The following TRPV6 variants were observed in gnomAD, a reference collection of about 807,000 sequenced individuals.
The protein encoded by TRPV6 is transient receptor potential cation channel subfamily V member 6, also known as Alu-binding protein with zinc finger domain.
A neutral mutation model predicts 79.0 loss-of-function variants in TRPV6; 39 were observed. The observed-to-expected ratio is 0.49, with a 90% confidence interval of 0.38 to 0.64. The LOEUF (loss-of-function observed/expected upper bound fraction) is 0.64, where lower values mean the gene tolerates loss of function less well. Ranked by LOEUF, TRPV6 falls within the 30% of genes least tolerant of loss-of-function variation. The pLI, the probability that TRPV6 is intolerant of heterozygous loss-of-function variation, is 0.00. For missense variants in TRPV6, 813 were observed against 1,011.1 expected (o/e 0.80, Z 2.66); for synonymous variants, 373 against 391.9 (o/e 0.95, Z 0.57).
chr7:142,885,616 G>T lies in TRPV6; in HGVS notation c.21C>A (p.Asp7Glu). 1.4e-6 allele frequency: 2 copies of T among 1,466,776 alleles called. No homozygotes were observed. Among genetic ancestry groups the T allele is most frequent in the Non-Finnish European group, 1.8e-6 (2 of 1,099,514 alleles). 90.9% of individuals were successfully genotyped at this position (1,466,776 alleles called of 1,614,324 possible). Residue 7 changes from aspartate to glutamate, a missense_variant, in exon 1 of 15, where the codon GAC (aspartate) becomes GAA (glutamate). Asp to Glu is a conservative substitution (Grantham distance 45, BLOSUM62 2). Transcript: ENST00000359396. Reference sequence around the variant, plus strand: ...CAGCCCCCCCAAGGGCCGGCCCACCGTCTCCCTGTAGAGGTCCCGTCTCCT... The same window carrying T: ...CAGCCCCCCCAAGGGCCGGCCCACCTTCTCCCTGTAGAGGTCCCGTCTCCT...
Position 142,871,446 on chromosome 7 carries a change from G to A in TRPV6, c.*261C>T, listed in dbSNP as rs2116501519. On this transcript the variant is annotated 3_prime_UTR_variant, in exon 15 of 15. Coordinates refer to ENST00000359396, the MANE Select transcript of TRPV6 (RefSeq NM_018646.6). ...GCTCTGACATGCAGTGCTCCTGTCG[G>A]AAGGGTGATGAGCAGGCCACAGGAG... 2.0e-6 allele frequency: 1 copy of A among 512,218 alleles called. No individual in the cohort carries two copies. Among genetic ancestry groups the A allele is most frequent in the East Asian group, 3.4e-5 (1 of 29,808 alleles). The allele number at this position is 512,218 out of a possible 1,614,324, so 31.7% of individuals were successfully genotyped here.
chr7:142,872,896 TG>T (rs35563179), intron 13 of TRPV6, among the ~76,000 whole-genome samples: 5 of 152,214 alleles, frequency 3.3e-5, no homozygotes, highest in Admixed American at 6.5e-5. Context: ...CCTTCCAGTT[TG>T]GGAAATTTCC....
At chr7:142,885,292 C>T in intron 1 of TRPV6, 97 bp downstream of exon 1, 2 of 1,433,240 alleles carry the variant, frequency 1.4e-6, no homozygotes, top group Non-Finnish European at 1.9e-6. Context: ...TCTGTCCAGC[C>T]AAAGGTGCCA....
In TRPV6 at chr7:142,875,418, G is replaced by A. The variant is rs1173167867; in HGVS notation, c.1242+50C>T. 3.3e-6 allele frequency: 5 copies of A among 1,506,492 alleles called. No homozygotes were observed. In the Admixed American group the frequency reaches 1.0e-4, roughly 30 times the overall value. 93.3% of individuals were successfully genotyped at this position (1,506,492 alleles called of 1,614,324 possible). On this transcript the variant is annotated intron_variant, in intron 8 of 14. Transcript: ENST00000359396. The stretch of plus-strand genomic sequence containing the variant: ...GAGGAAAGGGACACCAGTCTCTGAG[G>A]ACAGAGAGCCAAGTCCTGCCCTGCT...
chr7:142,871,866 G>T lies in TRPV6; in HGVS notation c.2139C>A (p.Phe713Leu), dbSNP rs1794940814. The T allele has an allele frequency of 4.3e-6, 7 of 1,614,210 alleles. No individual in the cohort carries two copies. Among genetic ancestry groups the T allele is most frequent in the Middle Eastern group, 1.6e-4 (1 of 6,062 alleles). ...GCATAGGAAGGGACAGGTGGGGGCT[G>T]AAGGGACAGCCCAGCTCTAGTTTTT... Residue 713 changes from phenylalanine (F) to leucine (L), a missense_variant, in exon 15 of 15, where the codon TTC (phenylalanine) becomes TTA (leucine). By Grantham distance (22) the Phe-to-Leu change is conservative. This residue lies in a region of TRPV6 where 164 missense variants were observed against 186.1 expected (regional missense o/e 0.88). Coordinates refer to ENST00000359396, the MANE Select transcript of TRPV6 (RefSeq NM_018646.6).
rs776963085 is a variant in TRPV6 at position 142,877,286 on chromosome 7, C to CA, written c.470-8dup. ...ATGTGCAGTGCAGTCTGACCTGGCC[C>CA]AGAGACAGCTGTCAGTCACGGGTCT... On this transcript the variant is annotated splice_region_variant and splice_polypyrimidine_tract_variant and intron_variant, in intron 3 of 14. Transcript: ENST00000359396. 518 of 1,612,934 alleles carry CA rather than the reference C, an allele frequency of 3.2e-4. 2 individuals are homozygous for CA. Among genetic ancestry groups the CA allele is most frequent in the Admixed American group, 4.0e-4 (24 of 59,992 alleles).
rs1313365053 is a variant in TRPV6 at position 142,877,746 on chromosome 7, A to G, written c.374T>C (p.Ile125Thr). ...CTCCAGGTTGTCATAGAGGGCTGCT[A>G]TGTGTAGCGCTGTTTCCCCCATGGC... The change falls in exon 3 of 15, where the codon ATA (isoleucine) becomes ACA (threonine). Residue 125 changes from isoleucine to threonine, a missense_variant. Coordinates refer to ENST00000359396, the MANE Select transcript of TRPV6 (RefSeq NM_018646.6). The G allele has an allele frequency of 4.3e-6, 7 of 1,614,130 alleles. No homozygotes were observed. Among genetic ancestry groups the G allele is most frequent in the Middle Eastern group, 1.6e-4 (1 of 6,062 alleles).
At chr7:142,872,605 T>C in intron 13 of TRPV6, 127 bp from the exon 14 acceptor site, 1 of 952,286 alleles carries the variant, frequency 1.1e-6, no homozygotes, top group Non-Finnish European at 1.6e-6. Context: ...AACAATTCTT[T>C]ACCCAATGAC....
chr7:142,875,129 C>A lies in TRPV6; in HGVS notation c.1278G>T (p.Leu426=). The A allele has an allele frequency of 6.2e-7, 1 of 1,614,164 alleles. No individual in the cohort carries two copies. The highest frequency in any genetic ancestry group is 1.3e-5 in the African/African-American group (1 of 75,024). Residue 426 remains leucine (L), a synonymous_variant, in exon 9 of 15, where the codon CTG becomes CTT. Coordinates refer to ENST00000359396, the MANE Select transcript of TRPV6 (RefSeq NM_018646.6). ...CAATGACAGTCACCAGCTCCCCGACCAGCCGGATATCGTCCTTAGGGGTCA... is the reference window on the plus strand; with the variant it reads ...CAATGACAGTCACCAGCTCCCCGACAAGCCGGATATCGTCCTTAGGGGTCA...
intron 1 of TRPV6, 192 bp downstream of exon 1, chr7:142,885,197 A>G (rs4987604): frequency 0.11 from 64,008 of 563,714 alleles, 9,146 homozygotes; most frequent in African/African-American, 0.53. Flanking sequence ...GCCCATCTCA[A>G]CCCCATCCTC....
In TRPV6 at chr7:142,876,397, C is replaced by G. The variant is rs945716009; in HGVS notation, c.882+11G>C. 23 of 1,611,096 alleles carry G rather than the reference C, an allele frequency of 1.4e-5. No individual in the cohort carries two copies. Among genetic ancestry groups the G allele is most frequent in the Middle Eastern group, 1.6e-4 (1 of 6,076 alleles). ...TAGAAAGACACCTCAGGGATGGGGA[C>G]CGTCTCTCACCACAGTGTTACCCTC... On this transcript the variant is annotated intron_variant, in intron 6 of 14. Transcript: ENST00000359396.
chr7:142,876,575 CTG>C lies in TRPV6; in HGVS notation c.713_714del (p.Thr238SerfsTer54). 1.2e-6 allele frequency: 2 copies of C among 1,614,070 alleles called. No individual in the cohort carries two copies. Among genetic ancestry groups the C allele is most frequent in the Non-Finnish European group, 1.7e-6 (2 of 1,179,970 alleles). On this transcript the variant is annotated frameshift_variant, in exon 6 of 15. Coordinates refer to ENST00000359396, the MANE Select transcript of TRPV6 (RefSeq NM_018646.6). LOFTEE classifies it high-confidence loss of function. ...GGCTGGAGGATGAGGATGTGTAACA[CTG>C]TGTTTCCTGGGGAGGACACAGGGTA... is the stretch of plus-strand genomic sequence containing the variant.
intron 14 of TRPV6, 59 bp from the exon 15 acceptor site, chr7:142,872,048 G>C (rs1794946377): frequency 6.6e-7 from 1 of 1,524,946 alleles, no homozygotes; most frequent in Non-Finnish European, 8.8e-7. Context: ...ATCCAAGAAG[G>C]ATGCTTGTCT....
Position 142,871,470 on chromosome 7 carries a change from A to C in TRPV6, c.*237T>G. ...GGAAGGGTGATGAGCAGGCCACAGG[A>C]GAGTTCCTCACGCCCTGCCAGCCCC... On this transcript the variant is annotated 3_prime_UTR_variant, in exon 15 of 15. Transcript: ENST00000359396. The C allele has an allele frequency of 1.8e-6, 1 of 546,760 alleles. No individual in the cohort carries two copies. Among genetic ancestry groups the C allele is most frequent in the Non-Finnish European group, 3.2e-6 (1 of 309,446 alleles). 33.9% of individuals were successfully genotyped at this position (546,760 alleles called of 1,614,324 possible).
chr7:142,875,374 G>A, intron 8 of TRPV6, 94 bp downstream of exon 8: 1 of 1,382,026 alleles, frequency 7.2e-7, no homozygotes, highest in Non-Finnish European at 9.8e-7. Flanking sequence ...ATTAGAGCAA[G>A]GGGAGAAATG....
intron 13 of TRPV6, 59 bp from the exon 14 acceptor site, chr7:142,872,537 G>A: frequency 6.5e-7 from 1 of 1,536,896 alleles, no homozygotes; most frequent in Non-Finnish European, 8.9e-7. Flanking sequence ...CAGAGGTAGG[G>A]GTAGGGCAGC....
rs1794938953 is a variant in TRPV6, at chr7:142,871,823, T to TA, written c.2181dup (p.Thr728TyrfsTer81). ...TCCCAATTGGCACTGCTGCGGGAGGTACTTCGAGACACTGAGGGCATAGGA... is the reference window on the plus strand; with the variant it reads ...TCCCAATTGGCACTGCTGCGGGAGGTAACTTCGAGACACTGAGGGCATAGGA... On this transcript the variant is annotated frameshift_variant, in exon 15 of 15. Transcript: ENST00000359396. LOFTEE classifies it high-confidence loss of function. 6.2e-7 allele frequency: 1 copy of TA among 1,613,918 alleles called. No homozygotes were observed. The highest frequency in any genetic ancestry group is 1.3e-5 in the African/African-American group (1 of 74,880).
intron 2 of TRPV6, 63 bp downstream of exon 2, chr7:142,877,866 A>G: frequency 1.2e-6 from 2 of 1,611,776 alleles, no homozygotes; most frequent in Non-Finnish European, 1.7e-6. Flanking sequence ...GGTCCTGGGC[A>G]CTCCTGGGAG....
At chr7:142,874,456 G>A (rs1421610246) in intron 11 of TRPV6, 35 bp downstream of exon 11, 1 of 1,611,922 alleles carries the variant, frequency 6.2e-7, no homozygotes, top group African/African-American at 1.3e-5. Context: ...GTGGCTCTGG[G>A]GCCTTTCTCT....
Sources: gnomAD v4.1 joint callset for allele counts (sites outside exome capture counted in the v4.1 genomes callset) on GRCh38, gnomAD v4.1.1 for gene constraint, gnomAD v4.1.1 regional missense constraint, MANE v1.5 for transcripts, NCBI Gene and HGNC (gene_info 2026-07-23, HGNC 2026-07-21) for gene names.